The following SBF2 variants were observed in gnomAD, a reference collection of about 807,000 sequenced individuals.
SBF2 encodes myotubularin-related protein 13.
Under a neutral mutation model 225.2 loss-of-function variants are expected in SBF2, and 112 were observed. The ratio of observed to expected loss-of-function variants is 0.50; its 90% CI spans 0.43 to 0.58. The LOEUF is 0.58. Ranked by LOEUF, SBF2 falls within the 20% of genes least tolerant of loss-of-function variation. The pLI is 0.00. For missense variants in SBF2, 1,996 were observed against 2,206.2 expected, an observed-to-expected ratio of 0.90 and a Z score of 1.91; for synonymous variants, 763 against 773.3, an observed-to-expected ratio of 0.99 and a Z score of 0.22.
At chr11:10,096,423 G>GT (rs1565224052) in intron 2 of SBF2, among the ~76,000 whole-genome samples, 1 of 52,886 alleles carries the variant, frequency 1.9e-5, no homozygotes, top group Non-Finnish European at 4.2e-5. Context: ...TCAAAGTTCT[G>GT]TAAAAAAAAA....
chr11:9,850,379 C>A (rs891025928), intron 21 of SBF2, among the ~76,000 whole-genome samples, 161 bp from the exon 22 acceptor site: 1 of 152,174 alleles, frequency 6.6e-6, no homozygotes, highest in Admixed American at 6.5e-5. Flanking sequence ...CCTCAGCCTC[C>A]TGAGTAGCTG....
chr11:10,063,194 A>T (rs1377765084), intron 2 of SBF2, among the ~76,000 whole-genome samples: 2 of 151,990 alleles, frequency 1.3e-5, no homozygotes, highest in African/African-American at 4.8e-5. Context: ...AAGAAGGGAG[A>T]AGAACAGAAA....
At chr11:9,921,287 C>G (rs533462964) in intron 16 of SBF2, among the ~76,000 whole-genome samples, 61 of 152,086 alleles carry the variant, frequency 4.0e-4, no homozygotes, top group Non-Finnish European at 7.1e-4. Flanking sequence ...TCAGGTTGGT[C>G]TCCTACTCCC....
At chr11:10,280,867 G>T (rs1963362221) in intron 1 of SBF2, among the ~76,000 whole-genome samples, 1 of 152,140 alleles carries the variant, frequency 6.6e-6, no homozygotes, top group South Asian at 2.1e-4. Flanking sequence ...GCCTTCACTG[G>T]TTTCTCCTTA....
intron 9 of SBF2, among the ~76,000 whole-genome samples, chr11:9,996,850 A>T (rs1197860032): frequency 1.3e-5 from 2 of 152,220 alleles, no homozygotes; most frequent in African/African-American, 4.8e-5. Flanking sequence ...ATTTTGGCAA[A>T]CAATCACCTA....
chr11:9,962,592 T>C (rs1193644823), intron 15 of SBF2, among the ~76,000 whole-genome samples: 1 of 152,184 alleles, frequency 6.6e-6, no homozygotes, highest in Non-Finnish European at 1.5e-5. Flanking sequence ...CAATCTCTTC[T>C]CATTTAAATA....
At chr11:10,196,123 A>C (rs769105266) in intron 1 of SBF2, among the ~76,000 whole-genome samples, 8 of 152,226 alleles carry the variant, frequency 5.3e-5, no homozygotes, top group Non-Finnish European at 7.4e-5. Flanking sequence ...AAATGACAGC[A>C]AGCTTACTTC....
intron 2 of SBF2, among the ~76,000 whole-genome samples, chr11:10,056,158 T>A (rs1344900115): frequency 2.6e-5 from 4 of 152,244 alleles, no homozygotes; most frequent in African/African-American, 9.6e-5. Context: ...GCACTATAGT[T>A]TGAAGTCAGG....
intron 6 of SBF2, among the ~76,000 whole-genome samples, chr11:10,021,366 T>C (rs559769202): frequency 1.3e-5 from 2 of 151,906 alleles, no homozygotes; most frequent in Non-Finnish European, 2.9e-5. Flanking sequence ...TTATTAACAT[T>C]AAAAATCCCA....
rs560428352 is a variant in SBF2 at position 10,248,799 on chromosome 11, G to C, written c.55+45216C>G. ...TGGAAATTCTGTAAAAATTAACCCT[G>C]TAAAACAAATTCTAGGCCGGGCGCG... On this transcript the variant is annotated intron_variant, in intron 1 of 39. Transcript: ENST00000256190. 1.1e-4 allele frequency among the ~76,000 whole-genome samples: 16 copies of C among 152,282 alleles called. No homozygotes were observed. The South Asian group carries it at 1.5e-3, about 14-fold the overall frequency.
At chr11:9,828,734 C>T (rs1374670858) in intron 28 of SBF2, 6 of 578,900 alleles carry the variant, frequency 1.0e-5, no homozygotes, top group Non-Finnish European at 1.1e-5. Flanking sequence ...TTGGGAATTT[C>T]AAACTTATAA....
chr11:10,077,775 A>G (rs567730744), intron 2 of SBF2, among the ~76,000 whole-genome samples: 1 of 152,368 alleles, frequency 6.6e-6, no homozygotes, highest in African/African-American at 2.4e-5. Flanking sequence ...AACAAAGCCA[A>G]AATAGACAAA....
chr11:9,911,346 T>A (rs557898552), intron 16 of SBF2, among the ~76,000 whole-genome samples: 3 of 149,250 alleles, frequency 2.0e-5, no homozygotes, highest in African/African-American at 7.4e-5. Flanking sequence ...ATCATGCCAG[T>A]GCACTCCAGC....
chr11:9,967,990 T>TAA (rs1232724661), intron 14 of SBF2, among the ~76,000 whole-genome samples: 1 of 138,892 alleles, frequency 7.2e-6, no homozygotes, highest in Non-Finnish European at 1.5e-5. Flanking sequence ...TATATATATA[T>TAA]AAAATATATA....
chr11:9,932,966 A>C lies in SBF2; in HGVS notation c.1860+28991T>G, dbSNP rs188251471. Among the ~76,000 whole-genome samples, 374 of 107,894 alleles carry C rather than the reference A, an allele frequency of 3.5e-3. 5 individuals are homozygous for C. The highest frequency in any genetic ancestry group is 8.1e-3 in the African/African-American group (295 of 36,470). The allele number at this position is 107,894 out of a possible 152,430, so 70.8% of individuals were successfully genotyped here. On this transcript the variant is annotated intron_variant, in intron 16 of 39. Coordinates refer to ENST00000256190, the MANE Select transcript of SBF2 (RefSeq NM_030962.4). ...CCAAGCAAACGAAAAGCAAAAAAAA[A>C]AAAAAAAAAAAAAAAAAAAAACAGG...
intron 6 of SBF2, among the ~76,000 whole-genome samples, chr11:10,015,162 A>C (rs1013835275): frequency 2.0e-5 from 3 of 152,054 alleles, no homozygotes; most frequent in Admixed American, 2.0e-4. Flanking sequence ...TAAAATAATA[A>C]TACTGTATCA....
At chr11:10,278,221 G>C (rs1188482601) in intron 1 of SBF2, among the ~76,000 whole-genome samples, 2 of 152,020 alleles carry the variant, frequency 1.3e-5, no homozygotes, top group Admixed American at 1.3e-4. Context: ...AGTAAACAAT[G>C]AAACCTACAG....
chr11:10,304,055 A>G (rs1326603531), intron 1 of SBF2, among the ~76,000 whole-genome samples: 1 of 152,170 alleles, frequency 6.6e-6, no homozygotes, highest in Non-Finnish European at 1.5e-5. Context: ...TCCTACCTGC[A>G]GGGTGACTTC....
chr11:10,161,844 G>A (rs950711304), intron 2 of SBF2, among the ~76,000 whole-genome samples: 1 of 151,874 alleles, frequency 6.6e-6, no homozygotes. Flanking sequence ...GATTAGCCAG[G>A]CCTGGTGGCA....
Sources: allele counts gnomAD v4.1 joint callset (sites outside exome capture counted in the v4.1 genomes callset), GRCh38; gene constraint gnomAD v4.1.1; transcripts MANE v1.5; gene names NCBI Gene and HGNC (gene_info 2026-07-23, HGNC 2026-07-21).